RPTOR: variants seen among roughly 807,000 people sequenced by gnomAD.
The protein encoded by RPTOR is regulatory-associated protein of mTOR.
A neutral mutation model predicts 169.9 loss-of-function variants in RPTOR; 21 were observed. That is an observed-to-expected ratio of 0.12 (90% CI 0.09 to 0.18). The LOEUF (loss-of-function observed/expected upper bound fraction) is 0.18, where lower values mean the gene tolerates loss of function less well. Ranked by LOEUF, RPTOR falls within the 10% of genes least tolerant of loss-of-function variation. The pLI, the probability that RPTOR is intolerant of heterozygous loss-of-function variation, is 1.00. For synonymous variants in RPTOR, 732 were observed against 753.2 expected (o/e 0.97, Z 0.46); for missense variants, 1,133 against 1,855.9 (o/e 0.61, Z 7.16).
chr17:80,699,802 T>C (rs1225241051), intron 3 of RPTOR, among the ~76,000 whole-genome samples: 1 of 146,984 alleles, frequency 6.8e-6, no homozygotes, highest in Non-Finnish European at 1.5e-5. Flanking sequence ...CTGTGCACGG[T>C]ACCCTGGTGC....
intron 5 of RPTOR, among the ~76,000 whole-genome samples, chr17:80,745,198 A>G (rs910393311): frequency 1.3e-5 from 2 of 152,244 alleles, no homozygotes; most frequent in East Asian, 1.9e-4. Flanking sequence ...CTAATTGACC[A>G]TCTTCACAGA....
At chr17:80,641,619 TA>T (rs1599628250) in intron 2 of RPTOR, among the ~76,000 whole-genome samples, 1 of 152,238 alleles carries the variant, frequency 6.6e-6, no homozygotes, top group East Asian at 1.9e-4. Flanking sequence ...CCAGTGCATA[TA>T]AAAGTTACGT....
At chr17:80,834,673 G>A (rs756220986) in intron 9 of RPTOR, among the ~76,000 whole-genome samples, 12 of 152,212 alleles carry the variant, frequency 7.9e-5, no homozygotes, top group Non-Finnish European at 1.6e-4. Flanking sequence ...CAGCTTTGCT[G>A]GGCGGCATCC....
chr17:80,686,729 C>A (rs1346048569), intron 3 of RPTOR, among the ~76,000 whole-genome samples: 1 of 152,144 alleles, frequency 6.6e-6, no homozygotes, highest in African/African-American at 2.4e-5. Context: ...TGAAGAGGTA[C>A]TTGCTTGATT....
chr17:80,791,935 T>G (rs546185858), intron 7 of RPTOR, among the ~76,000 whole-genome samples: 2 of 152,116 alleles, frequency 1.3e-5, no homozygotes, highest in African/African-American at 4.8e-5. Context: ...CAGTTTCCAT[T>G]TTACTATCTC....
chr17:80,804,403 C>T (rs2067196367), intron 7 of RPTOR: 1 of 152,256 alleles, frequency 6.6e-6, no homozygotes, highest in Admixed American at 6.5e-5. Context: ...TGTCTTCTAG[C>T]TGTTTCTGGA....
intron 1 of RPTOR, among the ~76,000 whole-genome samples, chr17:80,624,393 T>C (rs1567825230): frequency 6.6e-6 from 1 of 151,930 alleles, no homozygotes; most frequent in East Asian, 1.9e-4. Context: ...AAAATCCCAA[T>C]GGGATTAAAA....
At chr17:80,876,801 A>C (rs373653770) in intron 13 of RPTOR, among the ~76,000 whole-genome samples, 5 of 52,914 alleles carry the variant, frequency 9.4e-5, no homozygotes, top group African/African-American at 1.5e-4. Flanking sequence ...CCCGTGCCAC[A>C]CAGGGTGTGT....
chr17:80,963,912 G>C (rs947861095), intron 33 of RPTOR, among the ~76,000 whole-genome samples: 1 of 152,040 alleles, frequency 6.6e-6, no homozygotes, highest in African/African-American at 2.4e-5. Flanking sequence ...GCTTCAGGCC[G>C]TTGTTTTTAG....
Position 80,671,626 on chromosome 17 carries a change from G to T in RPTOR, c.348+27816G>T, listed in dbSNP as rs74586006. On this transcript the variant is annotated intron_variant, in intron 3 of 33. Coordinates refer to ENST00000306801, the MANE Select transcript of RPTOR (RefSeq NM_020761.3). Reference sequence around the variant, plus strand: ...TACTTTCAAAAATCCTTCAAATAATGGTAAGAGAAGCAGCTTTGCATAGTT... The same window carrying T: ...TACTTTCAAAAATCCTTCAAATAATTGTAAGAGAAGCAGCTTTGCATAGTT... Among the ~76,000 whole-genome samples, 337 of 152,276 alleles carry T rather than the reference G, an allele frequency of 2.2e-3. 1 individual carries two copies. The highest frequency in any genetic ancestry group is 7.6e-3 in the African/African-American group (316 of 41,554).
At chr17:80,649,815 T>C (rs1555602065) in intron 3 of RPTOR, among the ~76,000 whole-genome samples, 2 of 152,224 alleles carry the variant, frequency 1.3e-5, no homozygotes, top group Non-Finnish European at 2.9e-5. Flanking sequence ...TGAAAGCTTT[T>C]CCACGTGCGT....
intron 2 of RPTOR, among the ~76,000 whole-genome samples, chr17:80,635,785 G>T (rs1389360615): frequency 6.6e-6 from 1 of 152,166 alleles, no homozygotes; most frequent in African/African-American, 2.4e-5. Flanking sequence ...TGTCCAGGCT[G>T]ATTGTAGCAA....
intron 3 of RPTOR, among the ~76,000 whole-genome samples, chr17:80,661,625 C>T (rs548608621): frequency 3.3e-5 from 5 of 152,264 alleles, no homozygotes; most frequent in South Asian, 2.1e-4. Context: ...AGTCTCTCCC[C>T]GGCGCTCCTA....
chr17:80,953,338 C>T (rs1017943175), intron 28 of RPTOR, among the ~76,000 whole-genome samples: 2 of 152,252 alleles, frequency 1.3e-5, no homozygotes, highest in Admixed American at 1.3e-4. Context: ...GGCACCATCA[C>T]GGCTCACTGC....
chr17:80,663,899 C>T (rs959288263), intron 3 of RPTOR, among the ~76,000 whole-genome samples: 13 of 152,110 alleles, frequency 8.5e-5, no homozygotes, highest in Admixed American at 4.6e-4. Context: ...AAGCATCCTC[C>T]GCTGGGTGTT....
At chr17:80,594,988 C>CAG (rs1568324943) in intron 1 of RPTOR, among the ~76,000 whole-genome samples, 4 of 149,386 alleles carry the variant, frequency 2.7e-5, no homozygotes, top group South Asian at 2.1e-4. Flanking sequence ...GCCTGAGAGT[C>CAG]AGAGAGAGAG....
At chr17:80,943,149 C>T (rs1434565286) in intron 25 of RPTOR, among the ~76,000 whole-genome samples, 1 of 152,230 alleles carries the variant, frequency 6.6e-6, no homozygotes, top group African/African-American at 2.4e-5. Flanking sequence ...AGCCCGCAGA[C>T]TCCGTGGCCC....
chr17:80,949,352 T>A, intron 27 of RPTOR, 91 bp from the exon 28 acceptor site: 1 of 1,116,286 alleles, frequency 9.0e-7, no homozygotes, highest in Non-Finnish European at 1.4e-6. Flanking sequence ...CTGCAGCACG[T>A]CTGCCAGGAA....
At chr17:80,667,312 A>G (rs1274350874) in intron 3 of RPTOR, among the ~76,000 whole-genome samples, 2 of 152,140 alleles carry the variant, frequency 1.3e-5, no homozygotes, top group South Asian at 2.1e-4. Context: ...AAGGGAGACC[A>G]GGGCTGGGCA....
Sources: gnomAD v4.1 joint callset for allele counts (sites outside exome capture counted in the v4.1 genomes callset) on GRCh38, gnomAD v4.1.1 for gene constraint, MANE v1.5 for transcripts, NCBI Gene and HGNC (gene_info 2026-07-23, HGNC 2026-07-21) for gene names.